The following GCC2 variants were observed in gnomAD, a reference collection of about 807,000 sequenced individuals.
GCC2 encodes GRIP and coiled-coil domain-containing protein 2.
Under a neutral mutation model 210.6 loss-of-function variants are expected in GCC2, and 120 were observed. The ratio of observed to expected loss-of-function variants is 0.57; its 90% confidence interval spans 0.49 to 0.66. The LOEUF is 0.66. Ranked by LOEUF, GCC2 falls within the 30% of genes least tolerant of loss-of-function variation. The pLI, the probability that GCC2 is intolerant of heterozygous loss-of-function variation, is 0.00. For synonymous variants in GCC2, 703 were observed against 652.7 expected (o/e 1.08, Z -1.17); for missense variants, 1,868 against 1,871.9 (o/e 1.00, Z 0.04).
chr2:108,452,771 G>A (rs1680020228), intron 4 of GCC2, among the ~76,000 whole-genome samples: 1 of 134,730 alleles, frequency 7.4e-6, no homozygotes, highest in South Asian at 2.3e-4. Context: ...TTGGCTCACT[G>A]TAACCTCTGC....
At chr2:108,466,974 C>T (rs1680927581) in intron 4 of GCC2, among the ~76,000 whole-genome samples, 1 of 152,096 alleles carries the variant, frequency 6.6e-6, no homozygotes, top group Non-Finnish European at 1.5e-5. Flanking sequence ...GTTTTCTATT[C>T]CATTGGTTGT....
intron 10 of GCC2, among the ~76,000 whole-genome samples, chr2:108,482,083 A>AAAG (rs1681888957): frequency 6.6e-6 from 1 of 152,156 alleles, no homozygotes; most frequent in Non-Finnish European, 1.5e-5. Context: ...CTGCCAGTGC[A>AAAG]CCTGGTCTCT....
rs10184417 is a variant in GCC2, at chr2:108,488,008, G to T, written c.4052+188G>T. On this transcript the variant is annotated intron_variant, in intron 17 of 22. Coordinates refer to ENST00000309863, the MANE Select transcript of GCC2 (RefSeq NM_181453.4). ...TGCCACTTCGCTTCCCGGGTTCAAG[G>T]GATTCTCCTGCTTCAACCTCCTGAG... is the stretch of plus-strand genomic sequence containing the variant. Among the ~76,000 whole-genome samples the T allele has an allele frequency of 2.3e-4, 35 of 150,634 alleles. No individual in the cohort carries two copies. In the South Asian group the frequency reaches 7.2e-3, roughly 31 times the overall value.
intron 22 of GCC2, among the ~76,000 whole-genome samples, chr2:108,502,548 A>G (rs1192610155): frequency 1.3e-5 from 2 of 152,196 alleles, no homozygotes; most frequent in African/African-American, 2.4e-5. Context: ...TCTCTTATCA[A>G]TGTGAGTACA....
chr2:108,479,175 AAAT>A lies in GCC2; in HGVS notation c.3061-2519_3061-2517del, dbSNP rs747405652. Among the ~76,000 whole-genome samples the A allele has an allele frequency of 1.4e-3, 217 of 151,926 alleles. 1 individual carries two copies. The highest frequency in any genetic ancestry group is 1.1e-3 in the Non-Finnish European group (72 of 67,916). On this transcript the variant is annotated intron_variant, in intron 9 of 22. Coordinates refer to ENST00000309863, the MANE Select transcript of GCC2 (RefSeq NM_181453.4). ...GAGACAACGTCTCAAAAAAAATAAAAAATAAGCCAGATTCTAGATTCCCAAGTC... is the reference window on the plus strand; with the variant it reads ...GAGACAACGTCTCAAAAAAAATAAAAAAGCCAGATTCTAGATTCCCAAGTC...
intron 22 of GCC2, among the ~76,000 whole-genome samples, chr2:108,502,453 C>CT (rs1227060863): frequency 1.3e-5 from 2 of 152,142 alleles, no homozygotes; most frequent in African/African-American, 4.8e-5. Context: ...ACCCAGAACT[C>CT]TAAGATGTGC....
Position 108,469,040 on chromosome 2 carries a change from C to G in GCC2, c.277C>G (p.Leu93Val), listed in dbSNP as rs894344412. The change falls in exon 5 of 23, where the codon CTT becomes GTT. Residue 93 changes from leucine (L) to valine (V), a missense_variant. Physicochemically the swap from Leu to Val is conservative, Grantham distance 32. Transcript: ENST00000309863. ...AAAAGCAGAGACTGAGCAACAGTGT[C>G]TTTCTCTGAAAAAGGAAAATATAAA... ...LEKAETEQQC[L>V]SLKKENIKMK... The G allele has an allele frequency of 6.2e-7, 1 of 1,612,584 alleles. No individual in the cohort carries two copies.
At chr2:108,503,840 G>A (rs1215673067) in intron 22 of GCC2, among the ~76,000 whole-genome samples, 1 of 152,196 alleles carries the variant, frequency 6.6e-6, no homozygotes, top group African/African-American at 2.4e-5. Flanking sequence ...TGGGCTCAGT[G>A]ACTCACACCT....
chr2:108,503,596 C>T (rs1021738579), intron 22 of GCC2, among the ~76,000 whole-genome samples: 1 of 152,056 alleles, frequency 6.6e-6, no homozygotes, highest in African/African-American at 2.4e-5. Flanking sequence ...TGAGGGATGC[C>T]AGAAGAAAGA....
At chr2:108,449,999 G>T (rs760467762) in intron 2 of GCC2, 2 of 298,642 alleles carry the variant, frequency 6.7e-6, no homozygotes, top group African/African-American at 2.2e-5. Flanking sequence ...CATAGGGTAG[G>T]AATCAAGGGA....
intron 4 of GCC2, among the ~76,000 whole-genome samples, chr2:108,459,915 C>T (rs1206741020): frequency 6.6e-6 from 1 of 151,834 alleles, no homozygotes; most frequent in Non-Finnish European, 1.5e-5. Flanking sequence ...TGCAGTGGCG[C>T]AATCTTGGCT....
At chr2:108,491,583 A>C (rs1385103465) in intron 18 of GCC2, among the ~76,000 whole-genome samples, 5 of 152,148 alleles carry the variant, frequency 3.3e-5, no homozygotes, top group Non-Finnish European at 7.4e-5. Context: ...TAGCAGGTAG[A>C]AAAAATATCT....
At chr2:108,498,584 A>G (rs1682767148) in intron 21 of GCC2, among the ~76,000 whole-genome samples, 1 of 152,192 alleles carries the variant, frequency 6.6e-6, no homozygotes, top group African/African-American at 2.4e-5. Context: ...GTTTGAGGAC[A>G]AAGTTCGCTA....
intron 22 of GCC2, among the ~76,000 whole-genome samples, chr2:108,502,943 T>C (rs1210816404): frequency 7.1e-6 from 1 of 141,536 alleles, no homozygotes; most frequent in East Asian, 2.0e-4. Flanking sequence ...AAAAAAAGAA[T>C]GTAAACTACA....
intron 9 of GCC2, among the ~76,000 whole-genome samples, chr2:108,476,846 G>T (rs1681559718): frequency 6.6e-6 from 1 of 151,926 alleles, no homozygotes; most frequent in African/African-American, 2.4e-5. Context: ...AAAAATAGAA[G>T]ATACATACTG....
intron 17 of GCC2, among the ~76,000 whole-genome samples, chr2:108,488,470 G>GA (rs1267648461): frequency 6.6e-6 from 1 of 152,076 alleles, no homozygotes; most frequent in African/African-American, 2.4e-5. Flanking sequence ...TTCCAATTTT[G>GA]AAAATTTAGA....
chr2:108,494,432 GTAAT>G (rs1343467847), intron 19 of GCC2: 1 of 152,108 alleles, frequency 6.6e-6, no homozygotes, highest in Non-Finnish European at 1.5e-5. Context: ...GCTAGACAAT[GTAAT>G]TGATTAGTTC....
chr2:108,472,175 A>G (rs1681269104), intron 6 of GCC2, 59 bp downstream of exon 6: 2 of 1,186,926 alleles, frequency 1.7e-6, no homozygotes, highest in Admixed American at 2.7e-5. Context: ...TCTACAATAT[A>G]TACGTTAAAC....
chr2:108,466,504 G>C (rs542185878), intron 4 of GCC2, among the ~76,000 whole-genome samples: 1 of 150,194 alleles, frequency 6.7e-6, no homozygotes, highest in African/African-American at 2.5e-5. Flanking sequence ...ACAGAGTCTC[G>C]CTCTGTCACC....
Sources: allele counts gnomAD v4.1 joint callset (sites outside exome capture counted in the v4.1 genomes callset), GRCh38; gene constraint gnomAD v4.1.1; transcripts MANE v1.5; gene names NCBI Gene and HGNC (gene_info 2026-07-23, HGNC 2026-07-21).